The following VPS41 variants were observed in gnomAD, a reference collection of about 807,000 sequenced individuals.
The protein encoded by VPS41 is VPS41 subunit of HOPS complex.
In VPS41, 85 loss-of-function variants were observed where a neutral mutation model predicts 130.9. The observed-to-expected ratio is 0.65, with a 90% CI of 0.55 to 0.78. The LOEUF is 0.78. VPS41 is among the 30% of genes least tolerant of loss of function. The pLI is 0.00. For missense variants in VPS41, 874 were observed against 1,018.7 expected, an observed-to-expected ratio of 0.86 and a Z score of 1.93; for synonymous variants, 335 against 332.9, an observed-to-expected ratio of 1.01 and a Z score of -0.07.
intron 5 of VPS41, among the ~76,000 whole-genome samples, chr7:38,827,261 A>G: frequency 6.6e-6 from 1 of 152,250 alleles, no homozygotes; most frequent in Non-Finnish European, 1.5e-5. Context: ...ACTTTGGAAG[A>G]AAAGTGAATC....
intron 4 of VPS41, among the ~76,000 whole-genome samples, chr7:38,830,911 T>C (rs536811266): frequency 3.3e-5 from 5 of 152,242 alleles, no homozygotes; most frequent in African/African-American, 1.2e-4. Flanking sequence ...CTGAAGCTCA[T>C]AGCAGGGAAT....
intron 25 of VPS41, among the ~76,000 whole-genome samples, chr7:38,740,425 G>A (rs1298500374): frequency 6.6e-6 from 1 of 152,052 alleles, no homozygotes; most frequent in African/African-American, 2.4e-5. Context: ...GGATTCCTAG[G>A]GCGTGGCATG....
chr7:38,793,121 T>C (rs1404442872), intron 9 of VPS41, among the ~76,000 whole-genome samples: 1 of 152,198 alleles, frequency 6.6e-6, no homozygotes, highest in African/African-American at 2.4e-5. Flanking sequence ...GTTCTCCTTT[T>C]TATTTGCCAC....
At chr7:38,836,911 T>C (rs921604367) in intron 4 of VPS41, among the ~76,000 whole-genome samples, 4 of 152,202 alleles carry the variant, frequency 2.6e-5, no homozygotes, top group African/African-American at 4.8e-5. Context: ...CAAAATTACT[T>C]AAAATATACA....
rs1795925115 is a variant in VPS41, at chr7:38,743,487, A to G, written c.2037T>C (p.Asp679=). The change falls in exon 24 of 29, where the codon GAT becomes GAC. Residue 679 remains aspartate, a synonymous_variant. Coordinates refer to ENST00000310301, the MANE Select transcript of VPS41 (RefSeq NM_014396.4). The part of the protein sequence containing the change: ...ALKMIMEELH[D]VDKAIEFAKE... ...TGGCAAATTCGATTGCTTTATCAAC[A>G]TCATGTAATTCCTCCATAATCATCT... 6.2e-7 allele frequency: 1 copy of G among 1,613,920 alleles called. No homozygotes were observed. Among genetic ancestry groups the G allele is most frequent in the Non-Finnish European group, 8.5e-7 (1 of 1,179,912 alleles).
intron 21 of VPS41, 77 bp downstream of exon 21, chr7:38,754,625 C>T: frequency 8.4e-7 from 1 of 1,192,150 alleles, no homozygotes; most frequent in South Asian, 1.3e-5. Flanking sequence ...CTCCAGTATC[C>T]TCCTCGCACC....
intron 2 of VPS41, among the ~76,000 whole-genome samples, chr7:38,873,976 G>A (rs191825126): frequency 6.6e-6 from 1 of 152,258 alleles, no homozygotes; most frequent in Non-Finnish European, 1.5e-5. Context: ...TTTCATGGAG[G>A]AAGTCCTGTT....
chr7:38,726,239 A>G lies in VPS41; in HGVS notation c.*7T>C, dbSNP rs1439347857. 6.2e-7 allele frequency: 1 copy of G among 1,606,340 alleles called. No individual in the cohort carries two copies. Among genetic ancestry groups the G allele is most frequent in the African/African-American group, 1.3e-5 (1 of 74,770 alleles). On this transcript the variant is annotated 3_prime_UTR_variant, in exon 29 of 29. Coordinates refer to ENST00000310301, the MANE Select transcript of VPS41 (RefSeq NM_014396.4). ...TGGTGACAAGGAGACTGACAAGGAGAAATGAGCTATTTTTTCATCTCCAAA... is the reference window on the plus strand; with the variant it reads ...TGGTGACAAGGAGACTGACAAGGAGGAATGAGCTATTTTTTCATCTCCAAA...
At chr7:38,773,898 T>C (rs938754724) in intron 12 of VPS41, among the ~76,000 whole-genome samples, 1 of 152,160 alleles carries the variant, frequency 6.6e-6, no homozygotes, top group African/African-American at 2.4e-5. Flanking sequence ...CCCCGGGTCC[T>C]GGTCTGAACT....
chr7:38,772,701 CAGAGGACCTGGTTAGGTTACCCAACCCA>C, intron 12 of VPS41, 64 bp from the exon 13 acceptor site: 2 of 1,152,600 alleles, frequency 1.7e-6, no homozygotes, highest in Non-Finnish European at 2.6e-6. Context: ...GCAATGGTTT[CAGAGGACCTGGTTAGGTTACCCAACCCA>C]AGAGCGAACA....
chr7:38,868,829 T>G (rs1786283635), intron 3 of VPS41, among the ~76,000 whole-genome samples: 1 of 152,182 alleles, frequency 6.6e-6, no homozygotes, highest in African/African-American at 2.4e-5. Context: ...TCTTAACAGG[T>G]TCCTAATTGA....
intron 14 of VPS41, among the ~76,000 whole-genome samples, chr7:38,769,400 T>G (rs1784112743): frequency 6.6e-6 from 1 of 152,210 alleles, no homozygotes; most frequent in Non-Finnish European, 1.5e-5. Flanking sequence ...GCTAAGAGTA[T>G]AAACAGGTTA....
At chr7:38,741,602 C>A (rs772998245) in intron 25 of VPS41, among the ~76,000 whole-genome samples, 1 of 152,184 alleles carries the variant, frequency 6.6e-6, no homozygotes, top group African/African-American at 2.4e-5. Flanking sequence ...TTCCCTCAAA[C>A]GGATACAATA....
chr7:38,808,565 G>A (rs1318573144), intron 7 of VPS41, among the ~76,000 whole-genome samples: 1 of 152,186 alleles, frequency 6.6e-6, no homozygotes, highest in Admixed American at 6.5e-5. Flanking sequence ...TGCCTGTGGT[G>A]TAACTGTGAA....
At chr7:38,829,489 T>G (rs1785344420) in intron 5 of VPS41, among the ~76,000 whole-genome samples, 1 of 152,192 alleles carries the variant, frequency 6.6e-6, no homozygotes, top group South Asian at 2.1e-4. Flanking sequence ...CTCAAACTGT[T>G]ATTTTAGAAA....
intron 5 of VPS41, among the ~76,000 whole-genome samples, chr7:38,827,454 C>T (rs1361412704): frequency 1.3e-5 from 2 of 152,180 alleles, no homozygotes; most frequent in Admixed American, 1.3e-4. Flanking sequence ...ACCCTCTTGC[C>T]TTGAAAAGTT....
chr7:38,777,144 T>C (rs1462563988), intron 10 of VPS41, among the ~76,000 whole-genome samples: 1 of 152,194 alleles, frequency 6.6e-6, no homozygotes, highest in Non-Finnish European at 1.5e-5. Context: ...AGTAATAATT[T>C]TTTAAAATTC....
At chr7:38,774,312 GT>G in intron 11 of VPS41, 68 bp from the exon 12 acceptor site, 1 of 1,400,894 alleles carries the variant, frequency 7.1e-7, no homozygotes, top group Non-Finnish European at 9.5e-7. Flanking sequence ...ATTAATTCTA[GT>G]TAGCCATACA....
intron 1 of VPS41, among the ~76,000 whole-genome samples, chr7:38,900,844 C>A (rs1584454528): frequency 6.6e-6 from 1 of 152,344 alleles, no homozygotes; most frequent in East Asian, 1.9e-4. Context: ...CAAAGCAATG[C>A]ATGAGTGATG....
Sources: allele counts gnomAD v4.1 joint callset (sites outside exome capture counted in the v4.1 genomes callset), GRCh38; gene constraint gnomAD v4.1.1; transcripts MANE v1.5; gene names NCBI Gene and HGNC (gene_info 2026-07-23, HGNC 2026-07-21).